ZSCAN10: variants seen among roughly 807,000 people sequenced by gnomAD.
ZSCAN10 encodes zinc finger and SCAN domain-containing protein 10.
In ZSCAN10, 52 loss-of-function variants were observed where a neutral mutation model predicts 63.7. The observed-to-expected ratio is 0.82, with a 90% CI of 0.65 to 1.03. The LOEUF (loss-of-function observed/expected upper bound fraction) is 1.03, where lower values mean the gene tolerates loss of function less well. Among genes scored for constraint, ZSCAN10 ranks in the 50% least tolerant of loss-of-function variants. The pLI is 0.00. For missense variants in ZSCAN10, 1,223 were observed against 1,103.8 expected (o/e 1.11, Z -1.53); for synonymous variants, 544 against 479.6 (o/e 1.13, Z -1.76).
Position 3,092,954 on chromosome 16 carries a change from GCCTC to G in ZSCAN10, c.-21_-18del. ...TCCAAGCATCCTTCACTGCGGGGAT[GCCTC>G]CCTAACGCCAGCCCCGCTCTTGGGT... On this transcript the variant is annotated 5_prime_UTR_variant, in exon 2 of 6. Transcript: ENST00000576985. The G allele has an allele frequency of 7.1e-7, 1 of 1,412,400 alleles. No individual in the cohort carries two copies. Among genetic ancestry groups the G allele is most frequent in the Non-Finnish European group, 9.2e-7 (1 of 1,085,916 alleles). 87.5% of individuals were successfully genotyped at this position (1,412,400 alleles called of 1,614,324 possible).
chr16:3,090,271 C>T lies in ZSCAN10; in HGVS notation c.1163G>A (p.Ser388Asn). ...CLCCGKSFGR[S>N]SILKLHMRTH... is the part of the protein sequence containing the mutation. ...GCGCATGTGCAGCTTGAGAATGGAG[C>T]TGCGGCCGAAGCTCTTCCCGCAGCA... The change falls in exon 6 of 6, where the codon AGC becomes AAC. Residue 388 changes from serine to asparagine, a missense_variant. Physicochemically the swap from Ser to Asn is conservative, Grantham distance 46. Coordinates refer to ENST00000576985, the MANE Select transcript of ZSCAN10 (RefSeq NM_032805.3). The T allele has an allele frequency of 6.2e-7, 1 of 1,608,642 alleles. No homozygotes were observed.
rs1195242299 is a variant in ZSCAN10 at position 3,089,284 on chromosome 16, T to C, written c.2150A>G (p.Gln717Arg). 1.9e-6 allele frequency: 3 copies of C among 1,563,798 alleles called. No individual in the cohort carries two copies. Among genetic ancestry groups the C allele is most frequent in the African/African-American group, 2.7e-5 (2 of 73,298 alleles). Reference protein sequence around the residue: ...RHLATHAEPGQEQAEPPQECV... With the variant: ...RHLATHAEPGREQAEPPQECV... ...CTCCTGCGGGGGCTCGGCCTGCTCC[T>C]GCCCGGGCTCCGCATGGGTAGCCAG... is the stretch of plus-strand genomic sequence containing the variant. The change falls in exon 6 of 6, where the codon CAG becomes CGG. Residue 717 changes from glutamine (Q) to arginine (R), a missense_variant. Transcript: ENST00000576985.
chr16:3,095,736 G>C (rs1425038177), intron 1 of ZSCAN10, among the ~76,000 whole-genome samples: 2 of 150,794 alleles, frequency 1.3e-5, no homozygotes, highest in Non-Finnish European at 2.9e-5. Flanking sequence ...GCTGAGGCAG[G>C]AGAATGGCGT....
In ZSCAN10 at chr16:3,094,107, G is replaced by A. The variant is rs141069338; in HGVS notation, c.-67-1103C>T. ...GGCTCACTGCAGCCTTGATCTGCTG[G>A]GCTCAAGTGATCCTCCCGCGTCAGC... On this transcript the variant is annotated intron_variant, in intron 1 of 5. Transcript: ENST00000576985. Among the ~76,000 whole-genome samples the A allele has an allele frequency of 5.3e-3, 811 of 152,232 alleles. 8 individuals carry two copies. The highest frequency in any genetic ancestry group is 0.018 in the African/African-American group (765 of 41,522).
At position 3,089,629 on chromosome 16, in the gene ZSCAN10, C is replaced by T. The variant is rs1957037500; in HGVS notation, c.1805G>A (p.Gly602Asp). 1.3e-6 allele frequency: 2 copies of T among 1,585,590 alleles called. No individual in the cohort carries two copies. The highest frequency in any genetic ancestry group is 1.7e-6 in the Non-Finnish European group (2 of 1,165,956). The stretch of plus-strand genomic sequence containing the variant: ...CTGGGTGCAGTGGTGGGGCCGAGGG[C>T]CACCGTGGGTCAGCAGGTGGCGGGC... ...SLARHLLTHG[G>D]PRPHHCTQCG... The change falls in exon 6 of 6, where the codon GGC (glycine) becomes GAC (aspartate). Residue 602 changes from glycine (G) to aspartate (D), a missense_variant. Transcript: ENST00000576985.
chr16:3,092,375 C>T (rs189269767), intron 2 of ZSCAN10, 59 bp from the exon 3 acceptor site: 64 of 1,544,486 alleles, frequency 4.1e-5, no homozygotes, highest in South Asian at 1.7e-4. Flanking sequence ...GTCCTGACTC[C>T]GAGGGGACAT....
At position 3,092,109 on chromosome 16, in the gene ZSCAN10, T is replaced by C. The variant is rs746380305; in HGVS notation, c.604A>G (p.Ser202Gly). 1.2e-6 allele frequency: 2 copies of C among 1,606,284 alleles called. No homozygotes were observed. The highest frequency in any genetic ancestry group is 1.1e-5 in the South Asian group (1 of 90,454). The change falls in exon 3 of 6, where the codon AGT (serine) becomes GGT (glycine). Residue 202 changes from serine (S) to glycine (G), a missense_variant. Ser to Gly is a moderately conservative substitution (Grantham distance 56, BLOSUM62 0). Coordinates refer to ENST00000576985, the MANE Select transcript of ZSCAN10 (RefSeq NM_032805.3). ...AEPGQWRLPP[S>G]SKQPLSPGPQ... is the part of the protein sequence containing the mutation. ...CCCGGGCTCAGCGGCTGCTTTGAAC[T>C]TGGGGGAAGCCTCCACTGTCCCGGC... is the stretch of plus-strand genomic sequence containing the variant.
rs1277658796 is a variant in ZSCAN10, at chr16:3,092,864, GCCT to G, written c.71_73del (p.Glu24del). 1.1e-5 allele frequency: 16 copies of G among 1,450,086 alleles called. No homozygotes were observed. The highest frequency in any genetic ancestry group is 1.5e-5 in the South Asian group (1 of 68,752). 89.8% of individuals were successfully genotyped at this position (1,450,086 alleles called of 1,614,324 possible). On this transcript the variant is annotated inframe_deletion, in exon 2 of 6. Transcript: ENST00000576985. Reference sequence around the variant, plus strand: ...TCGCCTGGGGTCCTCTGGGCTGACAGCCTCCTCCTCCTCCAGCTTGACTTCCCC... The same window carrying G: ...TCGCCTGGGGTCCTCTGGGCTGACAGCCTCCTCCTCCAGCTTGACTTCCCC...
chr16:3,093,922 G>A lies in ZSCAN10; in HGVS notation c.-67-918C>T, dbSNP rs142581307. On this transcript the variant is annotated intron_variant, in intron 1 of 5. Transcript: ENST00000576985. ...GCTGGTCTTGAACTCCTGACCTCAA[G>A]TGATCAGCCCACCTCAGTCTCCCAA... Among the ~76,000 whole-genome samples the A allele has an allele frequency of 7.0e-4, 107 of 152,196 alleles. 1 individual carries two copies. The highest frequency in any genetic ancestry group is 2.5e-3 in the African/African-American group (104 of 41,532).
intron 5 of ZSCAN10, among the ~76,000 whole-genome samples, chr16:3,090,890 C>CAA (rs398058044): frequency 0.039 from 2,495 of 63,662 alleles, 33 homozygotes; most frequent in Middle Eastern, 0.058. Context: ...CCCGTCTCTA[C>CAA]AAAAAAAAAA....
In ZSCAN10 at chr16:3,091,797, C is replaced by T; in HGVS notation, c.696G>A (p.Glu232=). The T allele has an allele frequency of 6.4e-7, 1 of 1,572,844 alleles. No homozygotes were observed. The highest frequency in any genetic ancestry group is 8.6e-7 in the Non-Finnish European group (1 of 1,158,890). The part of the protein sequence containing the change: ...SPQGPSPWPE[E]SSRDQELAAV... ...CCGCCAGCTCCTGATCTCGGGAACTCTCCTCTGGCCATGGTGAGGGGCCCT... is the reference window on the plus strand; with the variant it reads ...CCGCCAGCTCCTGATCTCGGGAACTTTCCTCTGGCCATGGTGAGGGGCCCT... Residue 232 remains glutamate (E), a synonymous_variant, in exon 4 of 6, where the codon GAG becomes GAA. Coordinates refer to ENST00000576985, the MANE Select transcript of ZSCAN10 (RefSeq NM_032805.3).
chr16:3,095,436 G>A (rs1351030769), intron 1 of ZSCAN10, among the ~76,000 whole-genome samples: 1 of 151,640 alleles, frequency 6.6e-6, no homozygotes, highest in African/African-American at 2.4e-5. Flanking sequence ...AGAGTGGCGT[G>A]AACCCCGGAG....
chr16:3,089,682 C>G lies in ZSCAN10; in HGVS notation c.1752G>C (p.Gly584=). 4 of 1,600,260 alleles carry G rather than the reference C, an allele frequency of 2.5e-6. No homozygotes were observed. Among genetic ancestry groups the G allele is most frequent in the Non-Finnish European group, 3.4e-6 (4 of 1,175,124 alleles). Residue 584 remains glycine, a synonymous_variant, in exon 6 of 6, where the codon GGG becomes GGC. Transcript: ENST00000576985. ...GGCTGGCCCGGCGCACAAAGCGCTT[C>G]CCGCACTGCGGACAGGCGTAGGGCT... ...GEKPYACPQC[G]KRFVRRASLA...
At chr16:3,091,711 G>A in intron 4 of ZSCAN10, 53 bp downstream of exon 4, 1 of 1,597,540 alleles carries the variant, frequency 6.3e-7, no homozygotes, top group Non-Finnish European at 8.5e-7. Flanking sequence ...TAAAACTACA[G>A]GGTAGAGAAG....
At position 3,092,680 on chromosome 16, in the gene ZSCAN10, C is replaced by T. The variant is rs767064728; in HGVS notation, c.258G>A (p.Leu86=). 5.6e-6 allele frequency: 9 copies of T among 1,613,356 alleles called. No individual in the cohort carries two copies. The Admixed American group carries it at 1.3e-4, about 24-fold the overall frequency. ...ALHTKKQILE[L]LVLEQFLSVL... is the part of the protein sequence containing the mutation. The stretch of plus-strand genomic sequence containing the variant: ...CACTCAGGAACTGCTCCAGCACCAG[C>T]AGCTCCAGGATCTGTTTCTTGGTGT... Residue 86 remains leucine, a synonymous_variant, in exon 2 of 6, where the codon CTG becomes CTA. Coordinates refer to ENST00000576985, the MANE Select transcript of ZSCAN10 (RefSeq NM_032805.3).
chr16:3,089,775 C>T lies in ZSCAN10; in HGVS notation c.1659G>A (p.Gln553=). 6.3e-7 allele frequency: 1 copy of T among 1,596,770 alleles called. No homozygotes were observed. Among genetic ancestry groups the T allele is most frequent in the Non-Finnish European group, 8.5e-7 (1 of 1,178,060 alleles). The change falls in exon 6 of 6, where the codon CAG becomes CAA. Residue 553 remains glutamine (Q), a synonymous_variant. Transcript: ENST00000576985. The stretch of plus-strand genomic sequence containing the variant: ...TCTGCGTGAAGCTGCGGCCGCAAGC[C>T]TGGCAGGAGAAGGGCCGCTCGCCCG... ...VHTGERPFSC[Q]ACGRSFTQSS...
In ZSCAN10 at chr16:3,089,798, C is replaced by T. The variant is rs1177820158; in HGVS notation, c.1636G>A (p.Gly546Ser). The change falls in exon 6 of 6, where the codon GGC becomes AGC. Residue 546 changes from glycine to serine, a missense_variant. Coordinates refer to ENST00000576985, the MANE Select transcript of ZSCAN10 (RefSeq NM_032805.3). ...GCCTGGCAGGAGAAGGGCCGCTCGC[C>T]CGTGTGCACCCTCCGGTGGGCCACC... ...HLVAHRRVHTGERPFSCQACG... is the reference protein window; with the variant it reads ...HLVAHRRVHTSERPFSCQACG... 1 of 1,586,682 alleles carries T rather than the reference C, an allele frequency of 6.3e-7. No homozygotes were observed. Among genetic ancestry groups the T allele is most frequent in the Non-Finnish European group, 8.5e-7 (1 of 1,173,524 alleles).
chr16:3,097,868 A>G (rs77563199), intron 1 of ZSCAN10, among the ~76,000 whole-genome samples: 2,595 of 152,162 alleles, frequency 0.017, 52 homozygotes, highest in Middle Eastern at 0.11. Context: ...AAAGTCTGTG[A>G]TAAATGATCA....
intron 1 of ZSCAN10, among the ~76,000 whole-genome samples, chr16:3,097,086 G>C (rs1424098750): frequency 2.2e-5 from 3 of 133,646 alleles, no homozygotes; most frequent in Admixed American, 1.5e-4. Flanking sequence ...AACAGAATGA[G>C]AATCTGTCTC....
Sources: allele counts gnomAD v4.1 joint callset (sites outside exome capture counted in the v4.1 genomes callset), GRCh38; gene constraint gnomAD v4.1.1; transcripts MANE v1.5; gene names NCBI Gene and HGNC (gene_info 2026-07-23, HGNC 2026-07-21).